The following TMEM119 variants were observed in gnomAD, a reference collection of about 807,000 sequenced individuals.
TMEM119 encodes transmembrane protein 119.
For missense variants in TMEM119, 410 were observed against 381.0 expected (o/e 1.08, Z -0.63); for synonymous variants, 182 against 176.4 (o/e 1.03, Z -0.25).
rs938834223 is a variant in TMEM119 at position 108,592,913 on chromosome 12, G to A, written c.-14-516C>T. On this transcript the variant is annotated intron_variant, in intron 1 of 1. Transcript: ENST00000392806. The surrounding 1 kb of genome is among the most constrained non-coding windows in gnomAD (Gnocchi z 4.3). ...TCCAAGCAGAGAGGGAGAAATGATA[G>A]TAGGGCTGAGTAAGTGAGAAACCGA... Among the ~76,000 whole-genome samples the A allele has an allele frequency of 1.3e-5, 2 of 151,824 alleles. No homozygotes were observed. The highest frequency in any genetic ancestry group is 4.8e-5 in the African/African-American group (2 of 41,296).
chr12:108,590,640 T>G lies in TMEM119; in HGVS notation c.*892A>C. On this transcript the variant is annotated 3_prime_UTR_variant, in exon 2 of 2. Transcript: ENST00000392806. ...GAGGCGGATTGCACTGAGCCAAGAT[T>G]GCACCAAGATTGCACCACTGCACTC... 1 of 152,132 alleles carries G rather than the reference T, an allele frequency of 6.6e-6. No individual in the cohort carries two copies. The highest frequency in any genetic ancestry group is 1.9e-4 in the East Asian group (1 of 5,158). 9.4% of individuals were successfully genotyped at this position (152,132 alleles called of 1,614,324 possible). A position where few individuals can be genotyped will look rare whatever the true frequency, so the allele number is the denominator to read the frequency against.
chr12:108,591,691 C>T lies in TMEM119; in HGVS notation c.693G>A (p.Ala231=), dbSNP rs773820751. 15 of 1,613,682 alleles carry T rather than the reference C, an allele frequency of 9.3e-6. No individual in the cohort carries two copies. The highest frequency in any genetic ancestry group is 3.3e-5 in the South Asian group (3 of 91,054). ...GHGVPVETPE[A]QEEPCSGVLE... is the part of the protein sequence containing the mutation. The stretch of plus-strand genomic sequence containing the variant: ...GGACCCCTGAGCACGGCTCCTCCTG[C>T]GCCTCTGGTGTCTCCACTGGGACCC... The change falls in exon 2 of 2, where the codon GCG becomes GCA. Residue 231 remains alanine (A), a synonymous_variant. Transcript: ENST00000392806. The surrounding 1 kb of genome is among the most constrained non-coding windows in gnomAD (Gnocchi z 4.2).
intron 1 of TMEM119, among the ~76,000 whole-genome samples, chr12:108,596,429 AACACACACAC>A (rs34838480): frequency 2.7e-5 from 4 of 150,334 alleles, no homozygotes; most frequent in African/African-American, 9.8e-5. Context: ...ATATACATAC[AACACACACAC>A]ACACACACAC....
At chr12:108,596,739 C>T (rs2031510791) in intron 1 of TMEM119, among the ~76,000 whole-genome samples, 1 of 152,220 alleles carries the variant, frequency 6.6e-6, no homozygotes, top group Non-Finnish European at 1.5e-5. Flanking sequence ...GCCTACCTCC[C>T]CCCGGACCCT....
chr12:108,591,538 A>T lies in TMEM119; in HGVS notation c.846T>A (p.Ser282Arg). ...SPCACSSVHP[S>R]V is the part of the protein sequence containing the mutation. ...TGGCAGCCCGGGAGGACTGTTAGACACTGGGGTGGACACTGCTGCAAGCAC... is the reference window on the plus strand; with the variant it reads ...TGGCAGCCCGGGAGGACTGTTAGACTCTGGGGTGGACACTGCTGCAAGCAC... The change falls in exon 2 of 2, where the codon AGT becomes AGA. Residue 282 changes from serine to arginine, a missense_variant. Ser to Arg is a moderately radical substitution (Grantham distance 110). Transcript: ENST00000392806. The surrounding 1 kb of genome is among the most constrained non-coding windows in gnomAD (Gnocchi z 4.2). The T allele has an allele frequency of 6.2e-7, 1 of 1,600,006 alleles. No individual in the cohort carries two copies.
rs2031401405 is a variant in TMEM119, at chr12:108,591,707, A to G, written c.677T>C (p.Val226Ala). Residue 226 changes from valine (V) to alanine (A), a missense_variant, in exon 2 of 2, where the codon GTG becomes GCG. Coordinates refer to ENST00000392806, the MANE Select transcript of TMEM119 (RefSeq NM_181724.3). This position sits in a 1 kb window ranked among gnomAD's most constrained non-coding sequence, Gnocchi z 4.2. ...DQEVQGHGVP[V>A]ETPEAQEEPC... ...CTCCTCCTGCGCCTCTGGTGTCTCC[A>G]CTGGGACCCCATGTCCCTGGACTTC... is the stretch of plus-strand genomic sequence containing the variant. 1.2e-6 allele frequency: 2 copies of G among 1,612,750 alleles called. No homozygotes were observed. The highest frequency in any genetic ancestry group is 1.7e-6 in the Non-Finnish European group (2 of 1,179,396).
chr12:108,591,759 C>G lies in TMEM119; in HGVS notation c.625G>C (p.Glu209Gln), dbSNP rs778595328. 1 of 1,599,692 alleles carries G rather than the reference C, an allele frequency of 6.3e-7. No homozygotes were observed. Among genetic ancestry groups the G allele is most frequent in the South Asian group, 1.1e-5 (1 of 89,382 alleles). The change falls in exon 2 of 2, where the codon GAG becomes CAG. Residue 209 changes from glutamate (E) to glutamine (Q), a missense_variant. Physicochemically the swap from Glu to Gln is conservative, Grantham distance 29. Coordinates refer to ENST00000392806, the MANE Select transcript of TMEM119 (RefSeq NM_181724.3). The surrounding 1 kb of genome is among the most constrained non-coding windows in gnomAD (Gnocchi z 4.2). Reference sequence around the variant, plus strand: ...TGGTCCCCCTCCTGGCTGCCCTTCTCCTCTTCCTCTGCGCCCCTGCCCTCC... The same window carrying G: ...TGGTCCCCCTCCTGGCTGCCCTTCTGCTCTTCCTCTGCGCCCCTGCCCTCC... ...MVEGRGAEEE[E>Q]KGSQEGDQEV... is the part of the protein sequence containing the mutation.
At position 108,591,950 on chromosome 12, in the gene TMEM119, C is replaced by T; in HGVS notation, c.434G>A (p.Gly145Glu). 1 of 1,612,898 alleles carries T rather than the reference C, an allele frequency of 6.2e-7. No individual in the cohort carries two copies. The highest frequency in any genetic ancestry group is 1.1e-5 in the South Asian group (1 of 90,994). The change falls in exon 2 of 2, where the codon GGG (glycine) becomes GAG (glutamate). Residue 145 changes from glycine (G) to glutamate (E), a missense_variant. By Grantham distance (98) the Gly-to-Glu change is moderately conservative. Coordinates refer to ENST00000392806, the MANE Select transcript of TMEM119 (RefSeq NM_181724.3). This position sits in a 1 kb window ranked among gnomAD's most constrained non-coding sequence, Gnocchi z 4.2. Reference protein sequence around the residue: ...KKYVDQSDRAGGPRAFSEVPD... With the variant: ...KKYVDQSDRAEGPRAFSEVPD... ...GACCTCACTGAAGGCCCGGGGGCCC[C>T]CGGCCCGGTCACTCTGGTCCACGTA... is the stretch of plus-strand genomic sequence containing the variant.
At position 108,591,311 on chromosome 12, in the gene TMEM119, G is replaced by C. The variant is rs1461404931; in HGVS notation, c.*221C>G. 1 of 541,578 alleles carries C rather than the reference G, an allele frequency of 1.8e-6. No individual in the cohort carries two copies. The highest frequency in any genetic ancestry group is 3.2e-6 in the Non-Finnish European group (1 of 311,860). 33.5% of individuals were successfully genotyped at this position (541,578 alleles called of 1,614,324 possible). On this transcript the variant is annotated 3_prime_UTR_variant, in exon 2 of 2. Transcript: ENST00000392806. This position sits in a 1 kb window ranked among gnomAD's most constrained non-coding sequence, Gnocchi z 4.2. ...GCTGTGCTGTAGGATGTAGCCCTTT[G>C]GGGCTGCTGAGGTGAAGGATGATGG... is the stretch of plus-strand genomic sequence containing the variant.
In TMEM119 at chr12:108,592,139, T is replaced by C. The variant is rs2031418550; in HGVS notation, c.245A>G (p.Asn82Ser). The change falls in exon 2 of 2, where the codon AAC becomes AGC. Residue 82 changes from asparagine to serine, a missense_variant. Asn to Ser is a conservative substitution (Grantham distance 46, BLOSUM62 1). Transcript: ENST00000392806. The surrounding 1 kb of genome is among the most constrained non-coding windows in gnomAD (Gnocchi z 4.3). ...ITLGGPSPPT[N>S]FLDGIVDFFR... is the part of the protein sequence containing the mutation. ...GAAGTCCACTATCCCATCCAGGAAG[T>C]TGGTGGGGGGTGATGGGCCCCCCAG... 1 of 1,613,798 alleles carries C rather than the reference T, an allele frequency of 6.2e-7. No homozygotes were observed. The highest frequency in any genetic ancestry group is 8.5e-7 in the Non-Finnish European group (1 of 1,179,914).
At chr12:108,593,402 CCACTGCA>C (rs1297482122) in intron 1 of TMEM119, among the ~76,000 whole-genome samples, 1 of 152,024 alleles carries the variant, frequency 6.6e-6, no homozygotes, top group African/African-American at 2.4e-5. Flanking sequence ...CGAGATCGCG[CCACTGCA>C]CACTCCAGCC....
chr12:108,595,333 T>A (rs1331167676), intron 1 of TMEM119, among the ~76,000 whole-genome samples: 1 of 137,196 alleles, frequency 7.3e-6, no homozygotes, highest in Non-Finnish European at 1.6e-5. Flanking sequence ...CACACCCATA[T>A]ACACACATGC....
chr12:108,591,450 G>A lies in TMEM119; in HGVS notation c.*82C>T. ...GCCAAGGAGGGAGTGTCAGGAAGCA[G>A]TCAGGGCTGAAGGCCTTTTCATACA... is the stretch of plus-strand genomic sequence containing the variant. On this transcript the variant is annotated 3_prime_UTR_variant, in exon 2 of 2. Coordinates refer to ENST00000392806, the MANE Select transcript of TMEM119 (RefSeq NM_181724.3). This position sits in a 1 kb window ranked among gnomAD's most constrained non-coding sequence, Gnocchi z 4.2. The A allele has an allele frequency of 1.4e-6, 2 of 1,456,766 alleles. No individual in the cohort carries two copies. The highest frequency in any genetic ancestry group is 1.8e-6 in the Non-Finnish European group (2 of 1,093,938). The allele number at this position is 1,456,766 out of a possible 1,614,324, so 90.2% of individuals were successfully genotyped here. A position where few individuals can be genotyped will look rare whatever the true frequency, so the allele number is the denominator to read the frequency against.
In TMEM119 at chr12:108,592,179, G is replaced by GC. The variant is rs767927234; in HGVS notation, c.204dup (p.Pro69AlafsTer74). The GC allele has an allele frequency of 6.2e-7, 1 of 1,613,750 alleles. No individual in the cohort carries two copies. Among genetic ancestry groups the GC allele is most frequent in the African/African-American group, 1.3e-5 (1 of 74,918 alleles). Reference sequence around the variant, plus strand: ...GGGCCCCCCAGGGTTATGGGCTGGGGCCCCATCGATGTGGGGCTGAGGGCC... The same window carrying GC: ...GGGCCCCCCAGGGTTATGGGCTGGGGCCCCCATCGATGTGGGGCTGAGGGCC... On this transcript the variant is annotated frameshift_variant, in exon 2 of 2. Transcript: ENST00000392806. LOFTEE classifies it low-confidence loss of function (END_TRUNC). This position sits in a 1 kb window ranked among gnomAD's most constrained non-coding sequence, Gnocchi z 4.3.
rs760605459 is a variant in TMEM119, at chr12:108,592,430, C to T, written c.-14-33G>A. ...ACAGGAGGGAGGAGAGAAGTCATGG[C>T]GGAACTCTAGAGTGTCAGGATTCAG... On this transcript the variant is annotated intron_variant, in intron 1 of 1. Coordinates refer to ENST00000392806, the MANE Select transcript of TMEM119 (RefSeq NM_181724.3). This position sits in a 1 kb window ranked among gnomAD's most constrained non-coding sequence, Gnocchi z 4.3. 13 of 1,514,978 alleles carry T rather than the reference C, an allele frequency of 8.6e-6. No homozygotes were observed. In the Middle Eastern group the frequency reaches 5.1e-4, roughly 60 times the overall value. 93.8% of individuals were successfully genotyped at this position (1,514,978 alleles called of 1,614,324 possible). A position where few individuals can be genotyped will look rare whatever the true frequency, so the allele number is the denominator to read the frequency against.
intron 1 of TMEM119, among the ~76,000 whole-genome samples, chr12:108,594,740 G>A (rs2031476877): frequency 6.6e-6 from 1 of 151,874 alleles, no homozygotes; most frequent in Non-Finnish European, 1.5e-5. Context: ...GCAGGAGTTT[G>A]AGCAACATAG....
intron 1 of TMEM119, among the ~76,000 whole-genome samples, chr12:108,593,219 A>G (rs1273162868): frequency 6.6e-6 from 1 of 152,098 alleles, no homozygotes; most frequent in Non-Finnish European, 1.5e-5. Context: ...CGAGGTGGGC[A>G]GATCACTTGA....
At chr12:108,595,069 C>CAG (rs1439738946) in intron 1 of TMEM119, among the ~76,000 whole-genome samples, 2 of 152,020 alleles carry the variant, frequency 1.3e-5, no homozygotes, top group African/African-American at 4.8e-5. Context: ...GATGAGGAAA[C>CAG]AGAGGTTCAG....
chr12:108,593,164 G>T (rs568032918), intron 1 of TMEM119, among the ~76,000 whole-genome samples: 192 of 152,166 alleles, frequency 1.3e-3, no homozygotes, highest in African/African-American at 4.6e-3. Context: ...TCCTAGCAGG[G>T]CAGGCGCAGT....
Sources: gnomAD v4.1 joint callset for allele counts (sites outside exome capture counted in the v4.1 genomes callset) on GRCh38, gnomAD v4.1.1 for gene constraint, Gnocchi (gnomAD v3.1) non-coding constraint, MANE v1.5 for transcripts, NCBI Gene and HGNC (gene_info 2026-07-23, HGNC 2026-07-21) for gene names.